Variants in ILRUN observed in about 807,000 individuals in gnomAD.
ILRUN encodes the protein protein ILRUN.
Under a neutral mutation model 33.8 loss-of-function variants are expected in ILRUN, and 3 were observed. That is an observed-to-expected ratio of 0.09 (90% CI 0.04 to 0.23). ILRUN has a LOEUF of 0.23. Among genes scored for constraint, ILRUN ranks in the 10% least tolerant of loss-of-function variants. ILRUN has a pLI of 1.00. For synonymous variants in ILRUN, 124 were observed against 138.9 expected, an observed-to-expected ratio of 0.89 and a Z score of 0.75; for missense variants, 210 against 375.1, an observed-to-expected ratio of 0.56 and a Z score of 3.64.
At chr6:34,614,423 A>G (rs1761825651) in intron 3 of ILRUN, among the ~76,000 whole-genome samples, 1 of 107,696 alleles carries the variant, frequency 9.3e-6, no homozygotes, top group African/African-American at 5.3e-5. Context: ...CTCCATCTCA[A>G]AAAATAATAA....
rs577696801 is a variant in ILRUN at position 34,635,111 on chromosome 6, T to C, written c.511+11490A>G. On this transcript the variant is annotated intron_variant, in intron 3 of 4. Coordinates refer to ENST00000374023, the MANE Select transcript of ILRUN (RefSeq NM_024294.4). ...CACTTTCACAATCACTTCTGATTTCTAAATATATAAGAGAAATCATGAAAA... is the reference window on the plus strand; with the variant it reads ...CACTTTCACAATCACTTCTGATTTCCAAATATATAAGAGAAATCATGAAAA... 5.3e-5 allele frequency among the ~76,000 whole-genome samples: 8 copies of C among 152,358 alleles called. No individual in the cohort carries two copies. In the South Asian group the frequency reaches 1.4e-3, roughly 28 times the overall value.
chr6:34,677,779 T>C lies in ILRUN; in HGVS notation c.158+18667A>G, dbSNP rs565475158. Among the ~76,000 whole-genome samples, 9 of 152,056 alleles carry C rather than the reference T, an allele frequency of 5.9e-5. No homozygotes were observed. In the East Asian group the frequency reaches 1.7e-3, roughly 30 times the overall value. ...GTCTGGACAATATGACAAAACCCCC[T>C]ATGTACAAAAAATACAAAAATTAGC... On this transcript the variant is annotated intron_variant, in intron 1 of 4. Coordinates refer to ENST00000374023, the MANE Select transcript of ILRUN (RefSeq NM_024294.4).
At chr6:34,642,761 G>A (rs1762497055) in intron 3 of ILRUN, among the ~76,000 whole-genome samples, 1 of 149,532 alleles carries the variant, frequency 6.7e-6, no homozygotes, top group African/African-American at 2.5e-5. Flanking sequence ...GGCTGAGGAG[G>A]GAGGACCACT....
intron 1 of ILRUN, among the ~76,000 whole-genome samples, chr6:34,683,488 A>G (rs540946073): frequency 3.0e-4 from 28 of 91,888 alleles, no homozygotes; most frequent in East Asian, 2.5e-3. Flanking sequence ...ATATATATAC[A>G]TATATATATA....
In ILRUN at chr6:34,696,604, G is replaced by GT; in HGVS notation, c.-2_-1insA. The GT allele has an allele frequency of 6.2e-7, 1 of 1,600,732 alleles. No individual in the cohort carries two copies. The highest frequency in any genetic ancestry group is 8.5e-7 in the Non-Finnish European group (1 of 1,175,998). ...CCAGGTCTACGTCCATGCCCTCCAT[G>GT]GCGGGGACCGGACACCCGCTTCCCC... On this transcript the variant is annotated 5_prime_UTR_variant, in exon 1 of 5. Transcript: ENST00000374023.
chr6:34,653,132 C>CAAAAAAA (rs947213125), intron 2 of ILRUN, among the ~76,000 whole-genome samples: 32 of 51,180 alleles, frequency 6.3e-4, no homozygotes, highest in African/African-American at 1.9e-3. Context: ...GACCTTGTCT[C>CAAAAAAA]AAAAAAAAAA....
chr6:34,677,765 A>G (rs1178290600), intron 1 of ILRUN, among the ~76,000 whole-genome samples: 1 of 152,014 alleles, frequency 6.6e-6, no homozygotes, highest in Non-Finnish European at 1.5e-5. Context: ...TCTGGACAAT[A>G]TGACAAAACC....
intron 3 of ILRUN, among the ~76,000 whole-genome samples, chr6:34,620,646 G>A (rs1426992161): frequency 6.6e-6 from 1 of 152,166 alleles, no homozygotes; most frequent in Non-Finnish European, 1.5e-5. Context: ...TAGCAACACA[G>A]CTACACTCCA....
chr6:34,632,682 A>ATTTT (rs10718642), intron 3 of ILRUN, among the ~76,000 whole-genome samples: 1 of 143,908 alleles, frequency 6.9e-6, no homozygotes, highest in Non-Finnish European at 1.5e-5. Context: ...CACCCGGCTA[A>ATTTT]TTTTTTTTTT....
chr6:34,605,723 T>TTA (rs769698825), intron 4 of ILRUN, among the ~76,000 whole-genome samples: 5 of 152,182 alleles, frequency 3.3e-5, no homozygotes, highest in South Asian at 2.1e-4. Flanking sequence ...AACATAAACT[T>TTA]TATTTTTAAA....
chr6:34,661,828 TAA>T (rs1554187549), intron 1 of ILRUN, among the ~76,000 whole-genome samples: 1 of 152,004 alleles, frequency 6.6e-6, no homozygotes. Flanking sequence ...CAAAGCCAAT[TAA>T]AAGACATAGA....
chr6:34,595,402 T>C (rs1353366580), intron 4 of ILRUN, among the ~76,000 whole-genome samples: 3 of 152,236 alleles, frequency 2.0e-5, no homozygotes, highest in Non-Finnish European at 4.4e-5. Flanking sequence ...ATTTCAGTTG[T>C]ATTCACCTAT....
At chr6:34,631,879 T>C (rs1180302305) in intron 3 of ILRUN, among the ~76,000 whole-genome samples, 1 of 152,160 alleles carries the variant, frequency 6.6e-6, no homozygotes, top group Non-Finnish European at 1.5e-5. Context: ...TTTAAAATGA[T>C]TTATTATGTG....
chr6:34,683,437 TATAC>T (rs1237015814), intron 1 of ILRUN, among the ~76,000 whole-genome samples: 1 of 98,834 alleles, frequency 1.0e-5, no homozygotes. Context: ...TACATATATA[TATAC>T]ATATATATAT....
chr6:34,631,773 T>G (rs1211422327), intron 3 of ILRUN, among the ~76,000 whole-genome samples: 1 of 152,186 alleles, frequency 6.6e-6, no homozygotes, highest in Non-Finnish European at 1.5e-5. Flanking sequence ...TTAACAGGTA[T>G]GAGGTTTCCT....
At chr6:34,621,800 T>A (rs963593385) in intron 3 of ILRUN, among the ~76,000 whole-genome samples, 23 of 151,898 alleles carry the variant, frequency 1.5e-4, no homozygotes, top group African/African-American at 4.6e-4. Flanking sequence ...GGGGCAGAGG[T>A]TGCAGTGAGC....
chr6:34,671,349 G>A (rs916460410), intron 1 of ILRUN, among the ~76,000 whole-genome samples: 2 of 152,224 alleles, frequency 1.3e-5, no homozygotes, highest in Admixed American at 1.3e-4. Flanking sequence ...TCGCGCCGCT[G>A]CGCTCAAGCC....
chr6:34,619,547 G>T (rs1761967762), intron 3 of ILRUN, among the ~76,000 whole-genome samples: 1 of 152,086 alleles, frequency 6.6e-6, no homozygotes, highest in East Asian at 1.9e-4. Flanking sequence ...TAGAAATGGG[G>T]TCTCCCTTTG....
intron 3 of ILRUN, among the ~76,000 whole-genome samples, chr6:34,634,845 A>G (rs1762324337): frequency 2.0e-5 from 3 of 151,928 alleles, no homozygotes; most frequent in Admixed American, 2.0e-4. Context: ...CTTTAGTAGA[A>G]GAATAACACC....
Sources: gnomAD v4.1 joint callset for allele counts (sites outside exome capture counted in the v4.1 genomes callset) on GRCh38, gnomAD v4.1.1 for gene constraint, MANE v1.5 for transcripts, NCBI Gene and HGNC (gene_info 2026-07-23, HGNC 2026-07-21) for gene names.